Variants in NHSL2 observed in about 807,000 individuals in gnomAD.
NHSL2 encodes NHS-like protein 2.
In NHSL2, 27 loss-of-function variants were observed where a neutral mutation model predicts 53.4. The ratio of observed to expected loss-of-function variants is 0.51; its 90% CI spans 0.37 to 0.70. The LOEUF is 0.70. NHSL2 is among the 30% of genes least tolerant of loss of function. The pLI is 0.00. For missense variants in NHSL2, 892 were observed against 980.1 expected (o/e 0.91, Z 1.20); for synonymous variants, 408 against 404.1 (o/e 1.01, Z -0.12).
At position 71,963,298 on chromosome X, in the gene NHSL2, AT is replaced by A. The variant is rs762160850; in HGVS notation, c.280+51935del. 4.0e-3 allele frequency among the ~76,000 whole-genome samples: 443 copies of A among 111,102 alleles called. 3 individuals are homozygous for A. Among genetic ancestry groups the A allele is most frequent in the African/African-American group, 0.013 (410 of 30,688 alleles). On this transcript the variant is annotated intron_variant, in intron 1 of 7. Transcript: ENST00000633930. ...ATATTTATTTTTATTATTCAAAATA[AT>A]TTTAAAAATCAAAGTGCTATGATAG...
At chrX:72,031,355 T>C (rs1275935386) in intron 1 of NHSL2, among the ~76,000 whole-genome samples, 1 of 111,893 alleles carries the variant, frequency 8.9e-6, no homozygotes, top group Non-Finnish European at 1.9e-5. Flanking sequence ...ACTTAACCTC[T>C]CTGAGCCTCA....
At chrX:72,122,199 A>G (rs1032854247) in intron 1 of NHSL2, among the ~76,000 whole-genome samples, 8 of 112,203 alleles carry the variant, frequency 7.1e-5, no homozygotes, top group Non-Finnish European at 1.5e-4. Context: ...CATTACCTAA[A>G]AAAAGACCAA....
At chrX:71,978,761 T>TG (rs1325046470) in intron 1 of NHSL2, among the ~76,000 whole-genome samples, 17 of 108,872 alleles carry the variant, frequency 1.6e-4, no homozygotes, top group African/African-American at 5.7e-4. Context: ...TCAAGGTTTT[T>TG]TTTTTTTTTT....
chrX:72,140,112 G>T lies in NHSL2; in HGVS notation c.2564G>T (p.Arg855Ile), dbSNP rs748291394. Residue 855 changes from arginine to isoleucine, a missense_variant, in exon 6 of 8, where the codon AGA becomes ATA. Arg to Ile is a moderately conservative substitution (Grantham distance 97). Coordinates refer to ENST00000633930, the MANE Select transcript of NHSL2 (RefSeq NM_001013627.3). ...IESPEYAEEP[R>I]AEEVFTLPER... is the part of the protein sequence containing the mutation. The stretch of plus-strand genomic sequence containing the variant: ...AGCCCTGAGTATGCCGAGGAACCCA[G>T]AGCAGAAGAAGTCTTCACCTTGCCA... 1 of 1,210,552 alleles carries T rather than the reference G, an allele frequency of 8.3e-7. No individual in the cohort carries two copies. Among genetic ancestry groups the T allele is most frequent in the African/African-American group, 1.7e-5 (1 of 57,726 alleles).
intron 1 of NHSL2, among the ~76,000 whole-genome samples, chrX:71,925,271 C>G (rs369472154): frequency 9.0e-6 from 1 of 111,456 alleles, no homozygotes; most frequent in South Asian, 3.8e-4. Flanking sequence ...GCTGATGCCT[C>G]TTGTCTTAAG....
chrX:71,989,408 A>G (rs1360846714), intron 1 of NHSL2, among the ~76,000 whole-genome samples: 2 of 109,793 alleles, frequency 1.8e-5, no homozygotes, highest in African/African-American at 6.6e-5. Context: ...TTTATTAAGC[A>G]TTTACTATGT....
In NHSL2 at chrX:72,039,007, A is replaced by AG. The variant is rs766404535; in HGVS notation, c.281-93070dup. Reference sequence around the variant, plus strand: ...GCTGCCCAAAGAAGCCCTTAGTTGAAGGACCTTTTCTCCTCTGCTTTCCTT... The same window carrying AG: ...GCTGCCCAAAGAAGCCCTTAGTTGAAGGGACCTTTTCTCCTCTGCTTTCCTT... On this transcript the variant is annotated intron_variant, in intron 1 of 7. Coordinates refer to ENST00000633930, the MANE Select transcript of NHSL2 (RefSeq NM_001013627.3). 4.5e-3 allele frequency among the ~76,000 whole-genome samples: 497 copies of AG among 110,929 alleles called. 4 individuals carry two copies. Among genetic ancestry groups the AG allele is most frequent in the African/African-American group, 0.015 (462 of 30,470 alleles).
chrX:71,969,014 T>C (rs150949809), intron 1 of NHSL2, among the ~76,000 whole-genome samples: 3,448 of 111,542 alleles, frequency 0.031, 138 homozygotes, highest in African/African-American at 0.11. Context: ...CTGAGCCCCT[T>C]TCATTTCCAT....
chrX:72,077,668 G>C (rs1368662205), intron 1 of NHSL2, among the ~76,000 whole-genome samples: 4 of 112,375 alleles, frequency 3.6e-5, no homozygotes, highest in Non-Finnish European at 5.6e-5. Flanking sequence ...TGTGGCTCTG[G>C]CCATGTGCAA....
At chrX:72,131,938 T>TC in intron 1 of NHSL2, 141 bp from the exon 2 acceptor site, 1 of 556,962 alleles carries the variant, frequency 1.8e-6, no homozygotes, top group Non-Finnish European at 2.9e-6. Flanking sequence ...GGCCGGCGAT[T>TC]CCCCGCCTTT....
rs192860291 is a variant in NHSL2 at position 71,969,174 on chromosome X, A to G, written c.280+57807A>G. ...ATATATGAACATGAGATGTTTTCCC[A>G]TTTATTTATATCTTTTAAGATTTTT... On this transcript the variant is annotated intron_variant, in intron 1 of 7. Transcript: ENST00000633930. 1.4e-4 allele frequency among the ~76,000 whole-genome samples: 16 copies of G among 110,870 alleles called. No individual in the cohort carries two copies. In the East Asian group the frequency reaches 4.2e-3, roughly 29 times the overall value.
intron 1 of NHSL2, among the ~76,000 whole-genome samples, chrX:72,106,320 C>T (rs2042040074): frequency 1.8e-5 from 2 of 111,490 alleles, no homozygotes; most frequent in South Asian, 3.7e-4. Flanking sequence ...GGCTGAAAGA[C>T]CAAGTGTGGC....
At chrX:71,967,525 A>AT (rs1320198827) in intron 1 of NHSL2, among the ~76,000 whole-genome samples, 2 of 110,583 alleles carry the variant, frequency 1.8e-5, no homozygotes, top group Non-Finnish European at 3.8e-5. Context: ...TTCTCTTGAG[A>AT]TTTTTTCTTT....
At chrX:72,019,558 G>A (rs2042150601) in intron 1 of NHSL2, among the ~76,000 whole-genome samples, 1 of 112,262 alleles carries the variant, frequency 8.9e-6, no homozygotes, top group African/African-American at 3.2e-5. Context: ...GTAATTTGTC[G>A]AATGAATGAC....
chrX:71,910,867 AGT>A lies in NHSL2; in HGVS notation c.-217_-216del. On this transcript the variant is annotated 5_prime_UTR_variant, in exon 1 of 8. Coordinates refer to ENST00000633930, the MANE Select transcript of NHSL2 (RefSeq NM_001013627.3). ...GTCAGAGGGACTGGTGGCTCCGGCG[AGT>A]GTGCAGCCCCGGGGGAGCCGGCGCT... The A allele has an allele frequency of 4.4e-6, 1 of 227,486 alleles. No individual in the cohort carries two copies. Among genetic ancestry groups the A allele is most frequent in the Non-Finnish European group, 7.9e-6 (1 of 126,829 alleles). 18.7% of individuals were successfully genotyped at this position (227,486 alleles called of 1,213,427 possible). A position where few individuals can be genotyped will look rare whatever the true frequency, so the allele number is the denominator to read the frequency against.
In NHSL2 at chrX:72,145,103, C is replaced by CT. The variant is rs2042453707; in HGVS notation, c.*1531dup. The CT allele has an allele frequency of 8.9e-6, 1 of 112,126 alleles. No individual in the cohort carries two copies. Among genetic ancestry groups the CT allele is most frequent in the Non-Finnish European group, 1.9e-5 (1 of 53,386 alleles). The allele number at this position is 112,126 out of a possible 1,213,427, so 9.2% of individuals were successfully genotyped here. ...AACAGTTGAATGAAATTGTAGCCTG[C>CT]TTCACAAAGAGAGTTCCCCAGCCCC... On this transcript the variant is annotated 3_prime_UTR_variant, in exon 8 of 8. Coordinates refer to ENST00000633930, the MANE Select transcript of NHSL2 (RefSeq NM_001013627.3).
rs1556365650 is a variant in NHSL2 at position 72,117,818 on chromosome X, T to TTTTTTTTA, written c.281-14258_281-14257insTTTTATTT. 1.9e-3 allele frequency among the ~76,000 whole-genome samples: 179 copies of TTTTTTTTA among 95,491 alleles called. 1 individual carries two copies. The highest frequency in any genetic ancestry group is 3.3e-3 in the African/African-American group (86 of 26,440). 82.9% of individuals were successfully genotyped at this position (95,491 alleles called of 115,157 possible). On this transcript the variant is annotated intron_variant, in intron 1 of 7. Coordinates refer to ENST00000633930, the MANE Select transcript of NHSL2 (RefSeq NM_001013627.3). The stretch of plus-strand genomic sequence containing the variant: ...ATTCCATTGTATGGATAGACCACAT[T>TTTTTTTTA]TTTATTTATTTATTTATTTATTTAT...
intron 1 of NHSL2, among the ~76,000 whole-genome samples, chrX:71,936,714 G>T (rs2041740431): frequency 8.9e-6 from 1 of 112,169 alleles, no homozygotes; most frequent in Non-Finnish European, 1.9e-5. Context: ...TGTCTGCTGT[G>T]GTGAGAGTGA....
chrX:72,079,936 CT>C (rs1211647356), intron 1 of NHSL2: 1 of 112,931 alleles, frequency 8.9e-6, no homozygotes, highest in Non-Finnish European at 1.9e-5. Flanking sequence ...TCCAGGGTGG[CT>C]GTGGGTGGAG....
Sources: gnomAD v4.1 joint callset for allele counts (sites outside exome capture counted in the v4.1 genomes callset) on GRCh38, gnomAD v4.1.1 for gene constraint, MANE v1.5 for transcripts, NCBI Gene and HGNC (gene_info 2026-07-23, HGNC 2026-07-21) for gene names.